Variants in NYAP2 observed in about 807,000 individuals in gnomAD.
NYAP2 encodes the protein neuronal tyrosine-phosphorylated phosphoinositide-3-kinase adaptor 2.
In NYAP2, 23 loss-of-function variants were observed where a neutral mutation model predicts 50.4. The observed-to-expected ratio is 0.46, with a 90% CI of 0.33 to 0.65. NYAP2 has a LOEUF of 0.65. Ranked by LOEUF, NYAP2 falls within the 30% of genes least tolerant of loss-of-function variation. The pLI, the probability that NYAP2 is intolerant of heterozygous loss-of-function variation, is 0.02. For missense variants in NYAP2, 885 were observed against 861.0 expected, an observed-to-expected ratio of 1.03 and a Z score of -0.35; for synonymous variants, 394 against 365.2, an observed-to-expected ratio of 1.08 and a Z score of -0.90.
chr2:225,525,563 A>C (rs750642330), intron 4 of NYAP2, among the ~76,000 whole-genome samples: 30 of 152,152 alleles, frequency 2.0e-4, no homozygotes, highest in Non-Finnish European at 4.0e-4. Context: ...AGTGGGAGCC[A>C]AACAATGGGT....
chr2:225,667,888 T>A, the NYAP2 span, among the ~76,000 whole-genome samples: 1 of 152,048 alleles, frequency 6.6e-6, no homozygotes, highest in African/African-American at 2.4e-5. Flanking sequence ...TAAAATAATG[T>A]CACTTCATTT....
intron 3 of NYAP2, among the ~76,000 whole-genome samples, chr2:225,433,816 C>CAAAAAAAA (rs35886164): frequency 8.0e-5 from 5 of 62,474 alleles, no homozygotes; most frequent in Admixed American, 2.5e-4. Context: ...GACTCCGTCT[C>CAAAAAAAA]AAAAAAAAAA....
At chr2:225,666,378 C>A in the NYAP2 span, among the ~76,000 whole-genome samples, 1 of 152,138 alleles carries the variant, frequency 6.6e-6, no homozygotes. Context: ...TGACCATGAC[C>A]TGTGACACAG....
At chr2:225,627,120 A>G in exon 6 of NYAP2, 2 of 1,581,106 alleles carry the variant, frequency 1.3e-6, no homozygotes, top group Admixed American at 3.6e-5. Flanking sequence ...GGGAAACCAC[A>G]GTTCAGGTAA....
downstream of NYAP2, among the ~76,000 whole-genome samples, chr2:225,655,110 T>C (rs1237885939): frequency 2.6e-5 from 4 of 152,170 alleles, no homozygotes; most frequent in Non-Finnish European, 4.4e-5. Flanking sequence ...TTGCTTGCCT[T>C]TGAAATCAGT....
chr2:225,495,092 G>T (rs1285585153), intron 3 of NYAP2, among the ~76,000 whole-genome samples: 1 of 152,118 alleles, frequency 6.6e-6, no homozygotes, highest in African/African-American at 2.4e-5. Flanking sequence ...TAATTTACAA[G>T]AAAATATTAG....
chr2:225,528,041 T>A (rs1244764587), intron 4 of NYAP2, among the ~76,000 whole-genome samples: 1 of 152,120 alleles, frequency 6.6e-6, no homozygotes, highest in Non-Finnish European at 1.5e-5. Context: ...CCTAACTTAA[T>A]CAAAGGAATG....
intron 6 of NYAP2, among the ~76,000 whole-genome samples, chr2:225,646,956 T>C (rs1239022377): frequency 2.0e-5 from 3 of 152,140 alleles, no homozygotes; most frequent in Non-Finnish European, 4.4e-5. Context: ...GCATTGGAAA[T>C]AATGTTGCCT....
chr2:225,512,842 TTTC>T (rs1690850832), intron 3 of NYAP2, among the ~76,000 whole-genome samples: 1 of 122,480 alleles, frequency 8.2e-6, no homozygotes, highest in Non-Finnish European at 1.7e-5. Flanking sequence ...TCTCTCTTTC[TTTC>T]TTTCTTTCTT....
downstream of NYAP2, among the ~76,000 whole-genome samples, chr2:225,654,918 C>T (rs991722872): frequency 2.6e-5 from 4 of 152,146 alleles, no homozygotes; most frequent in African/African-American, 4.8e-5. Flanking sequence ...CTCACCGTTT[C>T]GTGTCATGGT....
intron 4 of NYAP2, among the ~76,000 whole-genome samples, chr2:225,559,949 T>C (rs1271211233): frequency 6.6e-6 from 1 of 152,088 alleles, no homozygotes; most frequent in Non-Finnish European, 1.5e-5. Flanking sequence ...TAGGAATGCA[T>C]GATGTAAACT....
chr2:225,693,855 C>G, the NYAP2 span, among the ~76,000 whole-genome samples: 1 of 152,002 alleles, frequency 6.6e-6, no homozygotes, highest in Non-Finnish European at 1.5e-5. Flanking sequence ...TAGTTACTTT[C>G]CTCCTAGCTT....
chr2:225,463,736 G>A (rs921848554), intron 3 of NYAP2, among the ~76,000 whole-genome samples: 4 of 152,198 alleles, frequency 2.6e-5, no homozygotes, highest in African/African-American at 9.6e-5. Flanking sequence ...CCCTATGCAG[G>A]TCTTTTTTAG....
chr2:225,467,879 G>T (rs1039684252), intron 3 of NYAP2, among the ~76,000 whole-genome samples: 3 of 152,062 alleles, frequency 2.0e-5, no homozygotes, highest in Non-Finnish European at 4.4e-5. Flanking sequence ...AGTTCCTACT[G>T]CATGCTGGCC....
At chr2:225,432,032 C>T (rs773014721) in intron 3 of NYAP2, among the ~76,000 whole-genome samples, 19 of 152,104 alleles carry the variant, frequency 1.2e-4, no homozygotes, top group Middle Eastern at 3.4e-3. Flanking sequence ...TGCAGTGGCA[C>T]GCTCTCGGCT....
the NYAP2 span, among the ~76,000 whole-genome samples, chr2:225,660,985 A>G: frequency 6.6e-6 from 1 of 152,186 alleles, no homozygotes; most frequent in African/African-American, 2.4e-5. Flanking sequence ...TGTGCATTGT[A>G]AATCCCTTAA....
intron 2 of NYAP2, among the ~76,000 whole-genome samples, chr2:225,401,968 T>C (rs1041978438): frequency 2.0e-5 from 3 of 152,002 alleles, no homozygotes; most frequent in Non-Finnish European, 4.4e-5. Context: ...AGAGTGAAAA[T>C]TAACTCTCTT....
intron 3 of NYAP2, among the ~76,000 whole-genome samples, chr2:225,466,799 G>A (rs1006405916): frequency 6.6e-6 from 1 of 152,156 alleles, no homozygotes; most frequent in African/African-American, 2.4e-5. Context: ...TGTTACGGCT[G>A]CAAATCCATA....
At chr2:225,535,128 A>G (rs1691325351) in intron 4 of NYAP2, among the ~76,000 whole-genome samples, 1 of 152,220 alleles carries the variant, frequency 6.6e-6, no homozygotes, top group Non-Finnish European at 1.5e-5. Flanking sequence ...AAGAAGCTGC[A>G]TGTTCTGCAG....
Sources: gnomAD v4.1 joint callset for allele counts (sites outside exome capture counted in the v4.1 genomes callset) on GRCh38, gnomAD v4.1.1 for gene constraint, MANE v1.5 for transcripts, NCBI Gene and HGNC (gene_info 2026-07-23, HGNC 2026-07-21) for gene names.